WWC2: variants seen among roughly 807,000 people sequenced by gnomAD.
The protein encoded by WWC2 is WW and C2 domain containing 2, also known as protein WWC2.
A neutral mutation model predicts 138.5 loss-of-function variants in WWC2; 101 were observed. The ratio of observed to expected loss-of-function variants is 0.73; its 90% CI spans 0.62 to 0.86. The LOEUF is 0.86. Among genes scored for constraint, WWC2 ranks in the 40% least tolerant of loss-of-function variants. WWC2 has a pLI of 0.00. For missense variants in WWC2, 1,420 were observed against 1,419.4 expected (o/e 1.00, Z -0.01); for synonymous variants, 558 against 538.4 (o/e 1.04, Z -0.50).
chr4:183,243,737 CTGTGTGTGTGTGTGTGTGTGTGTGTGTG>C (rs56654737), intron 5 of WWC2, among the ~76,000 whole-genome samples: 8 of 129,994 alleles, frequency 6.2e-5, no homozygotes, highest in East Asian at 2.3e-4. Flanking sequence ...ATTCTAAACA[CTGTGTGTGTGTGTGTGTGTGTGTGTGTG>C]TGTGTGTGTG....
At chr4:183,108,966 A>G (rs1294325153) in intron 1 of WWC2, among the ~76,000 whole-genome samples, 1 of 152,222 alleles carries the variant, frequency 6.6e-6, no homozygotes, top group African/African-American at 2.4e-5. Context: ...GGGAAAAGTA[A>G]GTGTGGACTA....
chr4:183,227,013 A>G lies in WWC2; in HGVS notation c.523-13170A>G, dbSNP rs139850005. Among the ~76,000 whole-genome samples, 66 of 152,148 alleles carry G rather than the reference A, an allele frequency of 4.3e-4. No homozygotes were observed. In the East Asian group the frequency reaches 0.012, roughly 28 times the overall value. ...GTCCCTTTCTTGGTCTCATGGTGAC[A>G]GACCCCAGCTGCATCAAGTGGGGAC... On this transcript the variant is annotated intron_variant, in intron 4 of 22. Coordinates refer to ENST00000403733, the MANE Select transcript of WWC2 (RefSeq NM_024949.6).
In WWC2 at chr4:183,271,083, G is replaced by A. The variant is rs777608125; in HGVS notation, c.2404G>A (p.Gly802Arg). 4 of 1,575,904 alleles carry A rather than the reference G, an allele frequency of 2.5e-6. No individual in the cohort carries two copies. Among genetic ancestry groups the A allele is most frequent in the South Asian group, 1.2e-5 (1 of 83,100 alleles). The change falls in exon 16 of 23, where the codon GGA becomes AGA. Residue 802 changes from glycine (G) to arginine (R), a missense_variant. Physicochemically the swap from Gly to Arg is moderately radical, Grantham distance 125 (BLOSUM62 -2). Transcript: ENST00000403733. The part of the protein sequence containing the change: ...SKHRREECLA[G>R]TQISLADLPF... ...TTGTTTTCTTTCACTTACATAGGCT[G>A]GAACTCAGATCAGCCTGGCAGATTT... is the stretch of plus-strand genomic sequence containing the variant.
chr4:183,223,913 T>C (rs541123854), intron 4 of WWC2, among the ~76,000 whole-genome samples: 1 of 152,222 alleles, frequency 6.6e-6, no homozygotes, highest in South Asian at 2.1e-4. Context: ...GTGTTTTTAG[T>C]AGAGACAGGA....
intron 17 of WWC2, chr4:183,281,154 CTT>C (rs35130484): frequency 3.3e-3 from 1,332 of 402,842 alleles, no homozygotes; most frequent in South Asian, 5.0e-3. Context: ...TTTTCTGAGC[CTT>C]TTTTTTTTTA....
chr4:183,224,239 C>G (rs1433971181), intron 4 of WWC2, among the ~76,000 whole-genome samples: 2 of 152,090 alleles, frequency 1.3e-5, no homozygotes, highest in Non-Finnish European at 2.9e-5. Context: ...GGGACATTCA[C>G]CATGGGTTGT....
At chr4:183,215,046 C>T (rs1735717002) in intron 4 of WWC2, among the ~76,000 whole-genome samples, 1 of 152,180 alleles carries the variant, frequency 6.6e-6, no homozygotes, top group African/African-American at 2.4e-5. Flanking sequence ...ATTCATAGGG[C>T]ATATGGTCCA....
chr4:183,159,175 A>G (rs1733888570), intron 1 of WWC2, among the ~76,000 whole-genome samples: 2 of 152,192 alleles, frequency 1.3e-5, no homozygotes, highest in Non-Finnish European at 2.9e-5. Context: ...TTTAAAACAG[A>G]TATTACAGCA....
Position 183,261,245 on chromosome 4 carries a change from A to G in WWC2, c.1622A>G (p.Lys541Arg). ...GHTPPLAEAP[K>R]SVASLSSRSS... Reference sequence around the variant, plus strand: ...ACTCCTCCACTGGCTGAGGCCCCGAAGTCTGTGGCCTCCCTGTCCTCGAGG... The same window carrying G: ...ACTCCTCCACTGGCTGAGGCCCCGAGGTCTGTGGCCTCCCTGTCCTCGAGG... The change falls in exon 11 of 23, where the codon AAG becomes AGG. Residue 541 changes from lysine to arginine, a missense_variant. By Grantham distance (26) the Lys-to-Arg change is conservative. Coordinates refer to ENST00000403733, the MANE Select transcript of WWC2 (RefSeq NM_024949.6). 2 of 1,612,952 alleles carry G rather than the reference A, an allele frequency of 1.2e-6. No homozygotes were observed.
chr4:183,261,779 T>A (rs775416162), intron 11 of WWC2, among the ~76,000 whole-genome samples: 3 of 152,226 alleles, frequency 2.0e-5, no homozygotes, highest in Non-Finnish European at 2.9e-5. Context: ...CCAGAGACAC[T>A]CTGTGTGTGG....
chr4:183,269,222 A>G, intron 15 of WWC2, 59 bp downstream of exon 15: 1 of 1,539,870 alleles, frequency 6.5e-7, no homozygotes, highest in Non-Finnish European at 8.8e-7. Flanking sequence ...GTCTGAGGAT[A>G]TACTTTGTAG....
At position 183,319,833 on chromosome 4, in the gene WWC2, G is replaced by A. The variant is rs547166105; in HGVS notation, c.*4104G>A. On this transcript the variant is annotated 3_prime_UTR_variant, in exon 23 of 23. Transcript: ENST00000403733. ...GACGGGAACCAGGGCTGTGACTCCC[G>A]AGGCCCAGGACAGAATTCCTCCCAG... The A allele has an allele frequency of 5.0e-6, 8 of 1,613,946 alleles. No individual in the cohort carries two copies. The South Asian group carries it at 5.5e-5, about 11-fold the overall frequency.
chr4:183,111,694 T>C (rs1732236410), intron 1 of WWC2, among the ~76,000 whole-genome samples: 1 of 151,320 alleles, frequency 6.6e-6, no homozygotes, highest in South Asian at 2.1e-4. Context: ...TTACTTTCTG[T>C]TTTGTTTTTT....
intron 1 of WWC2, among the ~76,000 whole-genome samples, chr4:183,109,978 A>G (rs1242052160): frequency 6.6e-6 from 1 of 152,206 alleles, no homozygotes; most frequent in East Asian, 1.9e-4. Flanking sequence ...GAATGATTTC[A>G]TGGGTCCCTG....
At chr4:183,308,188 G>C (rs1278405244) in intron 21 of WWC2, among the ~76,000 whole-genome samples, 1 of 152,090 alleles carries the variant, frequency 6.6e-6, no homozygotes, top group East Asian at 1.9e-4. Context: ...GTCTATAGAG[G>C]AAAACTGCAT....
At chr4:183,104,657 G>A (rs1178676364) in intron 1 of WWC2, among the ~76,000 whole-genome samples, 2 of 152,084 alleles carry the variant, frequency 1.3e-5, no homozygotes, top group Non-Finnish European at 2.9e-5. Flanking sequence ...GTGTGGAGAG[G>A]TTGTTAAAAG....
At chr4:183,112,572 A>G (rs147454654) in intron 1 of WWC2, among the ~76,000 whole-genome samples, 10 of 152,346 alleles carry the variant, frequency 6.6e-5, no homozygotes, top group African/African-American at 2.4e-4. Flanking sequence ...ACTATTCGTC[A>G]CACATTTATT....
At chr4:183,187,008 G>T (rs923179886) in intron 1 of WWC2, among the ~76,000 whole-genome samples, 2 of 152,060 alleles carry the variant, frequency 1.3e-5, no homozygotes, top group Non-Finnish European at 2.9e-5. Context: ...TTAAATCTTG[G>T]AGCAGCAGTC....
intron 4 of WWC2, among the ~76,000 whole-genome samples, chr4:183,224,671 G>A (rs1244044998): frequency 6.6e-6 from 1 of 152,070 alleles, no homozygotes; most frequent in Non-Finnish European, 1.5e-5. Flanking sequence ...AGTGATTCTT[G>A]TGCCTTAGCC....
Sources: allele counts gnomAD v4.1 joint callset (sites outside exome capture counted in the v4.1 genomes callset), GRCh38; gene constraint gnomAD v4.1.1; transcripts MANE v1.5; gene names NCBI Gene and HGNC (gene_info 2026-07-23, HGNC 2026-07-21).